Variants in ANO2 observed in about 807,000 individuals in gnomAD.
ANO2 encodes anoctamin 2.
Under a neutral mutation model 124.2 loss-of-function variants are expected in ANO2, and 101 were observed. The observed-to-expected ratio is 0.81, with a 90% CI of 0.69 to 0.96. The LOEUF (loss-of-function observed/expected upper bound fraction) is 0.96, where lower values mean the gene tolerates loss of function less well. Among genes scored for constraint, ANO2 ranks in the 40% least tolerant of loss-of-function variants. ANO2 has a pLI of 0.00. For missense variants in ANO2, 1,293 were observed against 1,274.5 expected (o/e 1.01, Z -0.22); for synonymous variants, 486 against 482.5 (o/e 1.01, Z -0.09).
chr12:5,843,355 G>C (rs1954581939), intron 4 of ANO2, among the ~76,000 whole-genome samples: 1 of 152,088 alleles, frequency 6.6e-6, no homozygotes, highest in Admixed American at 6.5e-5. Flanking sequence ...TTTGAGACCA[G>C]CCTGGCCAAC....
chr12:5,922,934 G>T, intron 1 of ANO2, 130 bp from the exon 2 acceptor site: 3 of 978,120 alleles, frequency 3.1e-6, no homozygotes, highest in Non-Finnish European at 4.2e-6. Flanking sequence ...TGCCTCCTTG[G>T]TTAGTCCCTA....
In ANO2 at chr12:5,830,436, A is replaced by C. The variant is rs1448980432; in HGVS notation, c.839T>G (p.Ile280Ser). 1 of 1,612,682 alleles carries C rather than the reference A, an allele frequency of 6.2e-7. No individual in the cohort carries two copies. Among genetic ancestry groups the C allele is most frequent in the Non-Finnish European group, 8.5e-7 (1 of 1,179,422 alleles). The change falls in exon 6 of 25, where the codon ATT (isoleucine) becomes AGT (serine). Residue 280 changes from isoleucine (I) to serine (S), a missense_variant and splice_region_variant. Ile to Ser is a moderately radical substitution (Grantham distance 142). Coordinates refer to ENST00000682330, the MANE Select transcript of ANO2 (RefSeq NM_001364791.2). ...AACACAGTACATCCATTTACTTACAATGCGGCTGCGGGTGGCATTATCAAA... is the reference window on the plus strand; with the variant it reads ...AACACAGTACATCCATTTACTTACACTGCGGCTGCGGGTGGCATTATCAAA... The part of the protein sequence containing the change: ...TFFDNATRSR[I>S]VHEILKRTAC...
chr12:5,679,667 G>C (rs1003343362), intron 14 of ANO2, among the ~76,000 whole-genome samples: 1 of 152,184 alleles, frequency 6.6e-6, no homozygotes, highest in Non-Finnish European at 1.5e-5. Context: ...GGAAGAAATA[G>C]GAATGCTTTA....
intron 1 of ANO2, among the ~76,000 whole-genome samples, chr12:5,944,412 C>T (rs1050511812): frequency 6.6e-6 from 1 of 152,208 alleles, no homozygotes; most frequent in African/African-American, 2.4e-5. Flanking sequence ...AGGACTGTGA[C>T]TGACACCACC....
chr12:5,923,019 C>T (rs1443619225), intron 1 of ANO2, among the ~76,000 whole-genome samples: 2 of 151,628 alleles, frequency 1.3e-5, no homozygotes, highest in Non-Finnish European at 2.9e-5. Flanking sequence ...CATACACACA[C>T]GCACACACAC....
intron 23 of ANO2, among the ~76,000 whole-genome samples, chr12:5,570,983 T>C (rs1444338987): frequency 6.6e-6 from 1 of 152,012 alleles, no homozygotes; most frequent in African/African-American, 2.4e-5. Flanking sequence ...CTGGTTTCGG[T>C]GGGAAGCAGA....
At chr12:5,737,990 C>T (rs775679775) in intron 13 of ANO2, among the ~76,000 whole-genome samples, 7 of 152,060 alleles carry the variant, frequency 4.6e-5, no homozygotes, top group Non-Finnish European at 1.0e-4. Flanking sequence ...GAGTGTGTAC[C>T]CAATATATGG....
intron 3 of ANO2, among the ~76,000 whole-genome samples, chr12:5,894,696 G>T (rs1404028365): frequency 2.6e-5 from 4 of 152,164 alleles, no homozygotes; most frequent in African/African-American, 9.7e-5. Flanking sequence ...TCCAGTTTCA[G>T]TTTTCTGCAT....
chr12:5,700,609 A>C (rs1949363368), intron 14 of ANO2, among the ~76,000 whole-genome samples: 1 of 152,206 alleles, frequency 6.6e-6, no homozygotes, highest in Admixed American at 6.5e-5. Context: ...ACTGAAGGAG[A>C]TAGAGATACA....
chr12:5,821,595 G>A (rs572573683), intron 7 of ANO2, among the ~76,000 whole-genome samples: 44 of 152,324 alleles, frequency 2.9e-4, no homozygotes, highest in Admixed American at 2.0e-3. Context: ...GAATCACAGC[G>A]CAGGCCTCTA....
chr12:5,672,274 GC>G lies in ANO2; in HGVS notation c.1546-24474del, dbSNP rs559274237. On this transcript the variant is annotated intron_variant, in intron 14 of 24. Transcript: ENST00000682330. ...AATGTAAAAATATATCAACTTTAAGGCCCTGGAAAAAAAGTCAAAACCAAGC... is the reference window on the plus strand; with the variant it reads ...AATGTAAAAATATATCAACTTTAAGGCCTGGAAAAAAAGTCAAAACCAAGC... Among the ~76,000 whole-genome samples the G allele has an allele frequency of 3.3e-5, 5 of 152,228 alleles. No homozygotes were observed. The South Asian group carries it at 1.0e-3, about 32-fold the overall frequency.
At chr12:5,814,538 A>G (rs1263732689) in intron 7 of ANO2, among the ~76,000 whole-genome samples, 2 of 151,248 alleles carry the variant, frequency 1.3e-5, no homozygotes, top group African/African-American at 2.4e-5. Flanking sequence ...TATTTGCTCT[A>G]TTCTTTCTCC....
intron 14 of ANO2, among the ~76,000 whole-genome samples, chr12:5,692,681 C>T (rs558610621): frequency 1.8e-4 from 27 of 152,226 alleles, no homozygotes; most frequent in African/African-American, 5.8e-4. Flanking sequence ...TGTGAAACCC[C>T]TGCATCAAGA....
chr12:5,829,629 C>T (rs767166005), intron 6 of ANO2, among the ~76,000 whole-genome samples: 28 of 152,196 alleles, frequency 1.8e-4, no homozygotes, highest in Admixed American at 8.5e-4. Context: ...CACTTCCATA[C>T]GTCCCATGTG....
chr12:5,853,783 G>T (rs1178671677), intron 4 of ANO2, among the ~76,000 whole-genome samples: 1 of 151,912 alleles, frequency 6.6e-6, no homozygotes, highest in Non-Finnish European at 1.5e-5. Flanking sequence ...GAAGAACACG[G>T]ACAGGGACAA....
intron 19 of ANO2, among the ~76,000 whole-genome samples, chr12:5,604,411 T>C (rs952441780): frequency 6.6e-6 from 1 of 152,206 alleles, no homozygotes; most frequent in East Asian, 1.9e-4. Flanking sequence ...CTGGGACTGA[T>C]GGAGATCTGA....
chr12:5,616,319 G>C (rs1331953829), intron 16 of ANO2, among the ~76,000 whole-genome samples: 1 of 152,126 alleles, frequency 6.6e-6, no homozygotes, highest in Non-Finnish European at 1.5e-5. Flanking sequence ...CCTTCTCACT[G>C]TCCTCTCATG....
intron 7 of ANO2, among the ~76,000 whole-genome samples, chr12:5,811,289 G>A (rs1953382274): frequency 2.0e-5 from 3 of 152,130 alleles, no homozygotes; most frequent in South Asian, 2.1e-4. Context: ...ACTCCCAGAC[G>A]GTGCATTTAA....
At chr12:5,882,636 G>A (rs769531923) in intron 3 of ANO2, among the ~76,000 whole-genome samples, 10 of 152,206 alleles carry the variant, frequency 6.6e-5, no homozygotes, top group Non-Finnish European at 1.0e-4. Context: ...TGGAGGAAAC[G>A]TCAAAGGTGG....
Sources: gnomAD v4.1 joint callset for allele counts (sites outside exome capture counted in the v4.1 genomes callset) on GRCh38, gnomAD v4.1.1 for gene constraint, MANE v1.5 for transcripts, NCBI Gene and HGNC (gene_info 2026-07-23, HGNC 2026-07-21) for gene names.